The following EEF2K variants were observed in gnomAD, a reference collection of about 807,000 sequenced individuals.
EEF2K encodes alternative protein EEF2K.
A neutral mutation model predicts 93.8 loss-of-function variants in EEF2K; 70 were observed. The observed-to-expected ratio is 0.75, with a 90% CI of 0.62 to 0.91. The LOEUF (loss-of-function observed/expected upper bound fraction) is 0.91, where lower values mean the gene tolerates loss of function less well. EEF2K is among the 40% of genes least tolerant of loss of function. The pLI, the probability that EEF2K is intolerant of heterozygous loss-of-function variation, is 0.00. For missense variants in EEF2K, 935 were observed against 972.9 expected, an observed-to-expected ratio of 0.96 and a Z score of 0.52; for synonymous variants, 376 against 380.8, an observed-to-expected ratio of 0.99 and a Z score of 0.15.
At chr16:22,219,665 T>G (rs2046993284) in intron 1 of EEF2K, among the ~76,000 whole-genome samples, 1 of 152,176 alleles carries the variant, frequency 6.6e-6, no homozygotes, top group African/African-American at 2.4e-5. Flanking sequence ...ATGTGACTTT[T>G]TATGATATGG....
At chr16:22,223,262 G>GTTTTTTTTTTTTTTTTTTTTTGT (rs58446693) in intron 1 of EEF2K, among the ~76,000 whole-genome samples, 1 of 107,478 alleles carries the variant, frequency 9.3e-6, no homozygotes, top group African/African-American at 3.4e-5. Flanking sequence ...GTTTTTTTCT[G>GTTTTTTTTTTTTTTTTTTTTTGT]TTTTTTTTTT....
At chr16:22,254,922 T>C (rs1387880980) in intron 6 of EEF2K, among the ~76,000 whole-genome samples, 2 of 151,882 alleles carry the variant, frequency 1.3e-5, no homozygotes, top group Non-Finnish European at 2.9e-5. Flanking sequence ...AATACAAAAA[T>C]TAGGCAGGCA....
At chr16:22,259,631 T>G (rs1157068106) in intron 10 of EEF2K, among the ~76,000 whole-genome samples, 2 of 152,206 alleles carry the variant, frequency 1.3e-5, no homozygotes, top group African/African-American at 4.8e-5. Context: ...ATTTAATTTT[T>G]GTCATCCATT....
At chr16:22,249,385 T>A (rs1240714829) in intron 4 of EEF2K, among the ~76,000 whole-genome samples, 2 of 152,078 alleles carry the variant, frequency 1.3e-5, no homozygotes, top group African/African-American at 4.8e-5. Flanking sequence ...TTTGTTTTAG[T>A]GTAATATACA....
intron 2 of EEF2K, among the ~76,000 whole-genome samples, chr16:22,228,570 C>A (rs558372489): frequency 2.6e-5 from 4 of 152,318 alleles, no homozygotes; most frequent in African/African-American, 9.6e-5. Context: ...GTACCCGGGC[C>A]GACAGCAGGC....
At chr16:22,235,520 G>A (rs766807172) in intron 2 of EEF2K, among the ~76,000 whole-genome samples, 2 of 152,010 alleles carry the variant, frequency 1.3e-5, no homozygotes, top group Non-Finnish European at 2.9e-5. Context: ...TTTTTGAGAT[G>A]GAGTTTCGCT....
chr16:22,244,825 G>A, intron 3 of EEF2K, 95 bp downstream of exon 3: 1 of 1,287,662 alleles, frequency 7.8e-7, no homozygotes, highest in South Asian at 1.3e-5. Flanking sequence ...TGGGGGTCAG[G>A]GGAAGGGAGT....
rs1458903273 is a variant in EEF2K, at chr16:22,286,290, ATGTAAGTAAC to A, written c.*2296_*2305del. The A allele has an allele frequency of 1.3e-5, 2 of 152,202 alleles. No homozygotes were observed. The highest frequency in any genetic ancestry group is 4.8e-5 in the African/African-American group (2 of 41,442). 9.4% of individuals were successfully genotyped at this position (152,202 alleles called of 1,614,324 possible). ...CCAGTGCATATAAATTGTATGTTAA[ATGTAAGTAAC>A]TTTAAGTTGACTTATCTCTTCACAG... is the stretch of plus-strand genomic sequence containing the variant. On this transcript the variant is annotated 3_prime_UTR_variant, in exon 18 of 18. Transcript: ENST00000263026.
At chr16:22,212,864 C>T (rs2046928009) in intron 1 of EEF2K, among the ~76,000 whole-genome samples, 1 of 152,054 alleles carries the variant, frequency 6.6e-6, no homozygotes, top group Non-Finnish European at 1.5e-5. Flanking sequence ...GTCCCAGCTA[C>T]TCAGGAGGCT....
intron 1 of EEF2K, among the ~76,000 whole-genome samples, chr16:22,222,558 A>G (rs1482930546): frequency 6.6e-6 from 1 of 151,642 alleles, no homozygotes. Context: ...CACATACCTT[A>G]CAATCTGCTC....
intron 8 of EEF2K, 32 bp downstream of exon 8, chr16:22,257,417 A>G (rs1448170010): frequency 6.2e-7 from 1 of 1,610,020 alleles, no homozygotes; most frequent in Admixed American, 1.7e-5. Flanking sequence ...GTTTCTGCAG[A>G]AACCACGCTC....
At chr16:22,264,607 C>T (rs1204736501) in intron 12 of EEF2K, among the ~76,000 whole-genome samples, 4 of 152,206 alleles carry the variant, frequency 2.6e-5, no homozygotes, top group East Asian at 1.9e-4. Context: ...ACTGCACCAG[C>T]GTTGTCATCC....
intron 3 of EEF2K, among the ~76,000 whole-genome samples, chr16:22,246,061 A>G (rs2047287507): frequency 6.6e-6 from 1 of 152,128 alleles, no homozygotes; most frequent in Admixed American, 6.6e-5. Flanking sequence ...CCCGACTTTC[A>G]CTGCTGATCG....
chr16:22,259,414 A>G (rs2047440831), intron 10 of EEF2K, among the ~76,000 whole-genome samples: 1 of 152,232 alleles, frequency 6.6e-6, no homozygotes, highest in African/African-American at 2.4e-5. Flanking sequence ...AGTGTCAAAC[A>G]TTAAAGAAGC....
intron 12 of EEF2K, 41 bp from the exon 13 acceptor site, chr16:22,264,777 G>C (rs762893449): frequency 1.2e-6 from 2 of 1,609,822 alleles, no homozygotes; most frequent in South Asian, 2.2e-5. Context: ...CTGGGAAGAA[G>C]CTTGTCGCTT....
intron 15 of EEF2K, among the ~76,000 whole-genome samples, chr16:22,270,591 A>G (rs1320010653): frequency 6.6e-6 from 1 of 152,068 alleles, no homozygotes; most frequent in Non-Finnish European, 1.5e-5. Context: ...ATGTTCTGTT[A>G]TATGTGTGGG....
rs953689970 is a variant in EEF2K, at chr16:22,286,667, C to T, written c.*2671C>T. On this transcript the variant is annotated 3_prime_UTR_variant, in exon 18 of 18. Transcript: ENST00000263026. ...CCTTTTGGGCTGTAGTTTGTCAACCCTTGCTCTAACCCTTGACTGAGAGCT... is the reference window on the plus strand; with the variant it reads ...CCTTTTGGGCTGTAGTTTGTCAACCTTTGCTCTAACCCTTGACTGAGAGCT... 6.6e-6 allele frequency: 1 copy of T among 152,222 alleles called. No homozygotes were observed. The allele number at this position is 152,222 out of a possible 1,614,324, so 9.4% of individuals were successfully genotyped here.
chr16:22,238,302 G>A (rs902315768), intron 2 of EEF2K, among the ~76,000 whole-genome samples: 1 of 151,976 alleles, frequency 6.6e-6, no homozygotes, highest in Non-Finnish European at 1.5e-5. Flanking sequence ...CCCTGCCCGG[G>A]GGGAATACAA....
intron 2 of EEF2K, among the ~76,000 whole-genome samples, chr16:22,238,721 C>A (rs1053584935): frequency 1.0e-4 from 15 of 148,650 alleles, no homozygotes; most frequent in Non-Finnish European, 2.2e-4. Flanking sequence ...TACCTGGACA[C>A]ACCTGGGTAG....
Sources: allele counts gnomAD v4.1 joint callset (sites outside exome capture counted in the v4.1 genomes callset), GRCh38; gene constraint gnomAD v4.1.1; transcripts MANE v1.5; gene names NCBI Gene and HGNC (gene_info 2026-07-23, HGNC 2026-07-21).